Variants in NUBPL observed in about 807,000 individuals in gnomAD.
NUBPL encodes the protein NUBP iron-sulfur cluster assembly factor, mitochondrial.
A neutral mutation model predicts 45.7 loss-of-function variants in NUBPL; 31 were observed. That is an observed-to-expected ratio of 0.68 (90% CI 0.51 to 0.92). NUBPL has a LOEUF of 0.92. NUBPL is among the 40% of genes least tolerant of loss of function. The pLI, the probability that NUBPL is intolerant of heterozygous loss-of-function variation, is 0.00. For missense variants in NUBPL, 401 were observed against 398.7 expected, an observed-to-expected ratio of 1.01 and a Z score of -0.05; for synonymous variants, 144 against 140.9, an observed-to-expected ratio of 1.02 and a Z score of -0.15.
chr14:31,561,659 C>G (rs775978558), intron 1 of NUBPL, 112 bp downstream of exon 1: 7 of 724,054 alleles, frequency 9.7e-6, no homozygotes, highest in African/African-American at 3.7e-5. Flanking sequence ...CCTGAGACCC[C>G]CAGTGTGCTG....
At chr14:31,793,843 T>TTTTA (rs1566565107) in intron 7 of NUBPL, among the ~76,000 whole-genome samples, 2 of 87,992 alleles carry the variant, frequency 2.3e-5, no homozygotes, top group African/African-American at 1.9e-4. Context: ...TTTTTTTTAT[T>TTTTA]TTTTTTTTTA....
intron 4 of NUBPL, among the ~76,000 whole-genome samples, chr14:31,644,436 A>G (rs1263919112): frequency 6.6e-6 from 1 of 151,874 alleles, no homozygotes; most frequent in Non-Finnish European, 1.5e-5. Context: ...ATGTTGTTTA[A>G]TTTCCATCTG....
At chr14:31,847,301 C>T (rs2040469004) in intron 9 of NUBPL, among the ~76,000 whole-genome samples, 1 of 152,180 alleles carries the variant, frequency 6.6e-6, no homozygotes, top group Admixed American at 6.5e-5. Flanking sequence ...GTTCTTAGTG[C>T]ATATGTAAAA....
intron 6 of NUBPL, among the ~76,000 whole-genome samples, chr14:31,700,448 T>C (rs1011530687): frequency 1.3e-5 from 2 of 152,186 alleles, no homozygotes; most frequent in African/African-American, 4.8e-5. Flanking sequence ...CTGGCCATGC[T>C]TGAGGAGCCC....
intron 3 of NUBPL, among the ~76,000 whole-genome samples, chr14:31,577,315 T>G (rs975044247): frequency 2.0e-5 from 3 of 152,232 alleles, no homozygotes; most frequent in African/African-American, 7.2e-5. Context: ...ATTGGTCTGT[T>G]TAATCTCATC....
chr14:31,716,251 A>C (rs1306025793), intron 6 of NUBPL, among the ~76,000 whole-genome samples: 6 of 152,206 alleles, frequency 3.9e-5, no homozygotes, highest in African/African-American at 1.2e-4. Flanking sequence ...TTTCTTAATA[A>C]GGGAAGGAAT....
chr14:31,808,512 T>A (rs559085945), intron 7 of NUBPL, among the ~76,000 whole-genome samples: 2 of 152,296 alleles, frequency 1.3e-5, no homozygotes, highest in Admixed American at 6.5e-5. Flanking sequence ...CTTAAGGAGA[T>A]TTTGGGCTGA....
chr14:31,571,464 CT>C (rs34423799), intron 3 of NUBPL, among the ~76,000 whole-genome samples: 43,691 of 147,166 alleles, frequency 0.3, 7,106 homozygotes, highest in South Asian at 0.41. Context: ...GTGTCTTCTT[CT>C]TTTTTTTTTT....
At chr14:31,681,890 A>G (rs1424331031) in intron 6 of NUBPL, among the ~76,000 whole-genome samples, 4 of 151,982 alleles carry the variant, frequency 2.6e-5, no homozygotes, top group African/African-American at 9.7e-5. Context: ...TAGAGAATAC[A>G]CTCTGTAATA....
chr14:31,642,805 T>C (rs1160022962), intron 4 of NUBPL, among the ~76,000 whole-genome samples: 1 of 152,152 alleles, frequency 6.6e-6, no homozygotes, highest in Non-Finnish European at 1.5e-5. Context: ...ATCTTCCCTT[T>C]GTAAAAATGT....
At chr14:31,858,767 G>T (rs1181014270) in intron 10 of NUBPL, among the ~76,000 whole-genome samples, 1 of 152,102 alleles carries the variant, frequency 6.6e-6, no homozygotes, top group African/African-American at 2.4e-5. Flanking sequence ...AGTTTTGGCA[G>T]TCTCTAACTC....
chr14:31,704,912 G>A (rs990049782), intron 6 of NUBPL, among the ~76,000 whole-genome samples: 3 of 152,162 alleles, frequency 2.0e-5, no homozygotes, highest in Non-Finnish European at 2.9e-5. Flanking sequence ...AAGATGGTAT[G>A]TCCGGAGTTT....
At chr14:31,712,274 A>G (rs1414481467) in intron 6 of NUBPL, among the ~76,000 whole-genome samples, 1 of 152,194 alleles carries the variant, frequency 6.6e-6, no homozygotes, top group Non-Finnish European at 1.5e-5. Context: ...CTAGACAGAA[A>G]AGTTCTCCAG....
At chr14:31,694,766 G>A (rs935192330) in intron 6 of NUBPL, among the ~76,000 whole-genome samples, 2 of 152,246 alleles carry the variant, frequency 1.3e-5, no homozygotes, top group Non-Finnish European at 2.9e-5. Context: ...TGCCCGCCTC[G>A]GCCTTTCAAA....
chr14:31,672,722 C>T (rs149293660), intron 4 of NUBPL, among the ~76,000 whole-genome samples: 247 of 152,268 alleles, frequency 1.6e-3, no homozygotes, highest in Middle Eastern at 0.014. Context: ...CTTGGCCTCC[C>T]ACTGTGCCTG....
At chr14:31,632,397 C>A (rs1257667357) in intron 4 of NUBPL, among the ~76,000 whole-genome samples, 1 of 152,154 alleles carries the variant, frequency 6.6e-6, no homozygotes, top group Non-Finnish European at 1.5e-5. Context: ...CTTGACCACC[C>A]TCTCCTCCTT....
At chr14:31,740,756 T>C (rs1301856673) in intron 6 of NUBPL, among the ~76,000 whole-genome samples, 36 of 152,200 alleles carry the variant, frequency 2.4e-4, no homozygotes, top group Admixed American at 2.4e-3. Context: ...GTTTCATCTT[T>C]TGTAGTTGTA....
chr14:31,692,901 G>C (rs2037124867), intron 6 of NUBPL, among the ~76,000 whole-genome samples: 1 of 152,174 alleles, frequency 6.6e-6, no homozygotes, highest in South Asian at 2.1e-4. Context: ...AGCTGTAATA[G>C]GTGTATTTTC....
At chr14:31,785,539 G>A (rs1441851391) in intron 6 of NUBPL, among the ~76,000 whole-genome samples, 1 of 152,104 alleles carries the variant, frequency 6.6e-6, no homozygotes, top group Non-Finnish European at 1.5e-5. Flanking sequence ...TCCCATCCAT[G>A]GAAAAATTGT....
Sources: gnomAD v4.1 joint callset for allele counts (sites outside exome capture counted in the v4.1 genomes callset) on GRCh38, gnomAD v4.1.1 for gene constraint, MANE v1.5 for transcripts, NCBI Gene and HGNC (gene_info 2026-07-23, HGNC 2026-07-21) for gene names.